Variants in ROBO2 observed in about 807,000 individuals in gnomAD.
ROBO2 encodes the protein roundabout homolog 2.
A neutral mutation model predicts 160.8 loss-of-function variants in ROBO2; 53 were observed. The ratio of observed to expected loss-of-function variants is 0.33; its 90% CI spans 0.26 to 0.41. The LOEUF (loss-of-function observed/expected upper bound fraction) is 0.41, where lower values mean the gene tolerates loss of function less well. Ranked by LOEUF, ROBO2 falls within the 10% of genes least tolerant of loss-of-function variation. ROBO2 has a pLI of 1.00. For missense variants in ROBO2, 1,577 were observed against 1,722.4 expected (o/e 0.92, Z 1.49); for synonymous variants, 664 against 611.7 (o/e 1.09, Z -1.26).
intron 2 of ROBO2, among the ~76,000 whole-genome samples, chr3:76,647,277 G>T (rs140776346): frequency 1.3e-3 from 192 of 152,284 alleles, no homozygotes; most frequent in African/African-American, 4.6e-3. Context: ...GCTGCTACAA[G>T]AAATTTCCGT....
At chr3:77,454,905 A>G (rs953342870) in intron 2 of ROBO2, among the ~76,000 whole-genome samples, 40 of 152,338 alleles carry the variant, frequency 2.6e-4, no homozygotes, top group African/African-American at 9.6e-4. Context: ...GCTTTTTCTT[A>G]TAGTGAACAC....
chr3:77,025,105 G>A (rs1437214546), intron 2 of ROBO2, among the ~76,000 whole-genome samples: 1 of 152,124 alleles, frequency 6.6e-6, no homozygotes, highest in East Asian at 1.9e-4. Flanking sequence ...ATATGTGGTG[G>A]TGAGGTCTAA....
intron 2 of ROBO2, among the ~76,000 whole-genome samples, chr3:77,143,497 C>T (rs938146630): frequency 6.6e-6 from 1 of 151,996 alleles, no homozygotes; most frequent in Non-Finnish European, 1.5e-5. Context: ...CGTCCGGCCC[C>T]ACAGCTTTTT....
intron 2 of ROBO2, among the ~76,000 whole-genome samples, chr3:76,543,339 C>T (rs1007608338): frequency 3.3e-5 from 5 of 152,046 alleles, no homozygotes; most frequent in African/African-American, 1.2e-4. Flanking sequence ...TCCAATAAGC[C>T]TGGTGTCCTT....
chr3:77,644,779 C>G (rs11915149), exon 25 of ROBO2: 1 of 1,614,032 alleles, frequency 6.2e-7, no homozygotes, highest in Non-Finnish European at 8.5e-7. Flanking sequence ...ACAGCTTCTT[C>G]TAAGGGATCC....
chr3:77,339,763 TA>T (rs11465067), intron 2 of ROBO2, among the ~76,000 whole-genome samples: 2 of 151,178 alleles, frequency 1.3e-5, no homozygotes, highest in East Asian at 1.9e-4. Context: ...ATATATATTT[TA>T]AAAAAAAAGA....
chr3:76,407,829 G>T (rs143075310), intron 2 of ROBO2, among the ~76,000 whole-genome samples: 1 of 152,032 alleles, frequency 6.6e-6, no homozygotes, highest in Non-Finnish European at 1.5e-5. Context: ...CAGAACAAGC[G>T]AGTCCAACCC....
chr3:77,261,668 G>A (rs999591373), intron 2 of ROBO2, among the ~76,000 whole-genome samples: 1 of 151,994 alleles, frequency 6.6e-6, no homozygotes, highest in South Asian at 2.1e-4. Context: ...GGGGGGTGGT[G>A]CATGTATTTT....
At chr3:77,043,818 A>T (rs573553445) in intron 1 of ROBO2, among the ~76,000 whole-genome samples, 31 of 152,268 alleles carry the variant, frequency 2.0e-4, no homozygotes, top group African/African-American at 6.0e-4. Flanking sequence ...TTAAAATGAG[A>T]ATGTTTTTCT....
intron 2 of ROBO2, among the ~76,000 whole-genome samples, chr3:76,247,834 A>G (rs938374199): frequency 1.3e-5 from 2 of 152,088 alleles, no homozygotes; most frequent in South Asian, 4.1e-4. Context: ...GGCGAAGGAC[A>G]TGAACAGACA....
At chr3:76,335,407 C>A (rs1462663427) in intron 2 of ROBO2, among the ~76,000 whole-genome samples, 1 of 151,746 alleles carries the variant, frequency 6.6e-6, no homozygotes, top group Non-Finnish European at 1.5e-5. Context: ...GTCTTGAACT[C>A]CTGACCTCAA....
chr3:76,078,171 T>C (rs2068703390), intron 2 of ROBO2, among the ~76,000 whole-genome samples: 1 of 152,162 alleles, frequency 6.6e-6, no homozygotes, highest in Non-Finnish European at 1.5e-5. Flanking sequence ...TGTGTTTTCA[T>C]TATTGGTTGT....
chr3:76,220,293 A>T (rs998178132), intron 2 of ROBO2, among the ~76,000 whole-genome samples: 4 of 151,884 alleles, frequency 2.6e-5, no homozygotes, highest in African/African-American at 9.7e-5. Flanking sequence ...AAGCCTGCAC[A>T]TTGTGCATAT....
intron 2 of ROBO2, among the ~76,000 whole-genome samples, chr3:76,414,386 A>G (rs983237350): frequency 5.3e-5 from 8 of 152,156 alleles, no homozygotes; most frequent in Admixed American, 2.6e-4. Context: ...AGTTGGTGGT[A>G]TATCATCTGG....
At chr3:77,081,085 A>G (rs2068604362) in intron 1 of ROBO2, among the ~76,000 whole-genome samples, 1 of 152,152 alleles carries the variant, frequency 6.6e-6, no homozygotes, top group Admixed American at 6.6e-5. Context: ...TTTGACATCT[A>G]TGGGCTAGTT....
chr3:77,182,047 T>C (rs2080842568), intron 2 of ROBO2, among the ~76,000 whole-genome samples: 1 of 152,152 alleles, frequency 6.6e-6, no homozygotes, highest in Admixed American at 6.6e-5. Flanking sequence ...ATTTTGTAGA[T>C]GGTTATTTCT....
At chr3:76,505,566 G>A (rs369307473) in intron 2 of ROBO2, among the ~76,000 whole-genome samples, 1 of 152,180 alleles carries the variant, frequency 6.6e-6, no homozygotes, top group East Asian at 1.9e-4. Flanking sequence ...ATCCTTGTAA[G>A]ATGAGAAGTA....
At chr3:77,001,137 C>T (rs533817457) in intron 2 of ROBO2, among the ~76,000 whole-genome samples, 4 of 152,190 alleles carry the variant, frequency 2.6e-5, no homozygotes, top group Non-Finnish European at 5.9e-5. Context: ...CTTCTTTCTC[C>T]CTCTAAAATT....
At chr3:76,233,751 C>T (rs1704765276) in intron 2 of ROBO2, among the ~76,000 whole-genome samples, 1 of 152,130 alleles carries the variant, frequency 6.6e-6, no homozygotes. Context: ...TGGTGCATTA[C>T]CAAAAGGTTT....
Sources: gnomAD v4.1 joint callset for allele counts (sites outside exome capture counted in the v4.1 genomes callset) on GRCh38, gnomAD v4.1.1 for gene constraint, MANE v1.5 for transcripts, NCBI Gene and HGNC (gene_info 2026-07-23, HGNC 2026-07-21) for gene names.